KIF5C: variants seen among roughly 807,000 people sequenced by gnomAD.
KIF5C encodes kinesin family member 5C.
In KIF5C, 18 loss-of-function variants were observed where a neutral mutation model predicts 125.2. The observed-to-expected ratio is 0.14, with a 90% CI of 0.10 to 0.21. The LOEUF (loss-of-function observed/expected upper bound fraction) is 0.21, where lower values mean the gene tolerates loss of function less well. Ranked by LOEUF, KIF5C falls within the 10% of genes least tolerant of loss-of-function variation. The pLI, the probability that KIF5C is intolerant of heterozygous loss-of-function variation, is 1.00. For missense variants in KIF5C, 780 were observed against 1,183.8 expected, an observed-to-expected ratio of 0.66 and a Z score of 5.01; for synonymous variants, 405 against 434.0, an observed-to-expected ratio of 0.93 and a Z score of 0.83.
At chr2:148,932,119 A>G (rs1184098754) in intron 3 of KIF5C, among the ~76,000 whole-genome samples, 1 of 152,196 alleles carries the variant, frequency 6.6e-6, no homozygotes, top group Non-Finnish European at 1.5e-5. Context: ...CGAGAGACCA[A>G]GAAATCCAGG....
chr2:148,926,331 G>A (rs1192015314), intron 2 of KIF5C, among the ~76,000 whole-genome samples: 2 of 152,172 alleles, frequency 1.3e-5, no homozygotes, highest in African/African-American at 2.4e-5. Flanking sequence ...CTGTGGCCCC[G>A]GGGTGCGGCG....
Position 149,000,507 on chromosome 2 carries a change from G to C in KIF5C, c.2295G>C (p.Met765Ile). ...AAATAGAGGACCAAGAGAGAGAAAT[G>C]AAGCTGGAAAAGCTCTTGTGAGTGC... is the stretch of plus-strand genomic sequence containing the variant. ...KLKIEDQERE[M>I]KLEKLLLLND... Residue 765 changes from methionine to isoleucine, a missense_variant, in exon 20 of 26, where the codon ATG (methionine) becomes ATC (isoleucine). By Grantham distance (10) the Met-to-Ile change is conservative. Coordinates refer to ENST00000435030, the MANE Select transcript of KIF5C (RefSeq NM_004522.3). 1 of 1,566,870 alleles carries C rather than the reference G, an allele frequency of 6.4e-7. No individual in the cohort carries two copies. The highest frequency in any genetic ancestry group is 8.7e-7 in the Non-Finnish European group (1 of 1,148,112).
At chr2:148,926,010 T>C (rs2105087470) in intron 2 of KIF5C, among the ~76,000 whole-genome samples, 1 of 152,142 alleles carries the variant, frequency 6.6e-6, no homozygotes, top group East Asian at 1.9e-4. Context: ...CTGGTGAGGA[T>C]GGCCTGTCAG....
intron 25 of KIF5C, among the ~76,000 whole-genome samples, chr2:149,021,018 G>A (rs888394131): frequency 5.3e-5 from 8 of 152,138 alleles, no homozygotes; most frequent in Non-Finnish European, 8.8e-5. Flanking sequence ...TATACCAAAT[G>A]AGTTCTGTGA....
chr2:148,973,006 A>T (rs547544817), intron 11 of KIF5C, among the ~76,000 whole-genome samples: 10 of 152,324 alleles, frequency 6.6e-5, no homozygotes, highest in African/African-American at 2.4e-4. Context: ...TGACTCTAGT[A>T]AAGCCCCAGG....
At chr2:148,948,281 C>T (rs1017503667) in intron 8 of KIF5C, among the ~76,000 whole-genome samples, 26 of 150,746 alleles carry the variant, frequency 1.7e-4, no homozygotes, top group Non-Finnish European at 2.7e-4. Flanking sequence ...GGCGTGAACC[C>T]GGGAGGCGGA....
intron 25 of KIF5C, among the ~76,000 whole-genome samples, chr2:149,020,956 C>T (rs1299044863): frequency 2.0e-5 from 3 of 152,218 alleles, no homozygotes; most frequent in African/African-American, 7.2e-5. Context: ...ATATCACCCT[C>T]TAGGGTTGTT....
rs549525288 is a variant in KIF5C at position 149,017,777 on chromosome 2, C to A, written c.*8-5301C>A. On this transcript the variant is annotated intron_variant, in intron 25 of 25. Transcript: ENST00000435030. ...TTATTTTATTATAATACAATTTGCA[C>A]ATTGTAAACAGTATACATTCCCTAC... is the stretch of plus-strand genomic sequence containing the variant. Among the ~76,000 whole-genome samples, 6 of 152,312 alleles carry A rather than the reference C, an allele frequency of 3.9e-5. No individual in the cohort carries two copies. In the East Asian group the frequency reaches 1.2e-3, roughly 29 times the overall value.
At chr2:148,977,167 C>T (rs1228697557) in intron 12 of KIF5C, among the ~76,000 whole-genome samples, 1 of 152,230 alleles carries the variant, frequency 6.6e-6, no homozygotes, top group Non-Finnish European at 1.5e-5. Context: ...AAGTGATCCA[C>T]GTCTTCTGTA....
At chr2:148,912,451 G>A (rs1187151912) in intron 1 of KIF5C, among the ~76,000 whole-genome samples, 1 of 152,204 alleles carries the variant, frequency 6.6e-6, no homozygotes, top group East Asian at 1.9e-4. Flanking sequence ...TTCTATGTGT[G>A]TATATATGTT....
intron 1 of KIF5C, chr2:148,878,038 A>T (rs1345115157): frequency 6.6e-6 from 1 of 152,220 alleles, no homozygotes; most frequent in Non-Finnish European, 1.5e-5. Context: ...TGCTCATCCT[A>T]CTATAATCCT....
chr2:149,013,147 A>T (rs1682261992), intron 25 of KIF5C, among the ~76,000 whole-genome samples: 1 of 152,236 alleles, frequency 6.6e-6, no homozygotes, highest in Non-Finnish European at 1.5e-5. Context: ...ATGGCGGTTT[A>T]CGTCTGTCTT....
chr2:148,880,555 G>A (rs1681320057), intron 1 of KIF5C, among the ~76,000 whole-genome samples: 1 of 152,210 alleles, frequency 6.6e-6, no homozygotes, highest in Non-Finnish European at 1.5e-5. Context: ...TAACCATACG[G>A]TTAACTCTGT....
At chr2:149,017,826 A>C (rs1001673531) in intron 25 of KIF5C, among the ~76,000 whole-genome samples, 2 of 152,262 alleles carry the variant, frequency 1.3e-5, no homozygotes, top group African/African-American at 4.8e-5. Flanking sequence ...ACAACTGTCA[A>C]GTCAAAACAA....
chr2:148,922,104 C>T, intron 1 of KIF5C, 33 bp from the exon 2 acceptor site: 1 of 1,470,124 alleles, frequency 6.8e-7, no homozygotes, highest in South Asian at 1.2e-5. Flanking sequence ...GTGTTTTTTC[C>T]ACCTTTTTCT....
intron 1 of KIF5C, among the ~76,000 whole-genome samples, chr2:148,902,201 C>T (rs1192011699): frequency 1.3e-5 from 2 of 152,224 alleles, no homozygotes; most frequent in Non-Finnish European, 2.9e-5. Flanking sequence ...AATCAGCCAG[C>T]AGAAGTGCCC....
intron 1 of KIF5C, among the ~76,000 whole-genome samples, chr2:148,903,100 G>C (rs1003365834): frequency 2.6e-5 from 4 of 152,148 alleles, no homozygotes; most frequent in African/African-American, 9.7e-5. Flanking sequence ...GGAGACATCA[G>C]AAAGATGGGG....
At chr2:148,962,628 C>G (rs1682957237) in intron 11 of KIF5C, among the ~76,000 whole-genome samples, 1 of 152,178 alleles carries the variant, frequency 6.6e-6, no homozygotes, top group African/African-American at 2.4e-5. Flanking sequence ...CCATCCCCAT[C>G]CCATCACTTG....
chr2:148,895,816 C>T (rs994541401), intron 1 of KIF5C, among the ~76,000 whole-genome samples: 1 of 150,670 alleles, frequency 6.6e-6, no homozygotes, highest in African/African-American at 2.4e-5. Context: ...TCTCACCGTG[C>T]ATGTCCTCAC....
Sources: allele counts gnomAD v4.1 joint callset (sites outside exome capture counted in the v4.1 genomes callset), GRCh38; gene constraint gnomAD v4.1.1; transcripts MANE v1.5; gene names NCBI Gene and HGNC (gene_info 2026-07-23, HGNC 2026-07-21).